Variants in HSD11B1 observed in about 807,000 individuals in gnomAD.
HSD11B1 encodes the protein 11-beta-hydroxysteroid dehydrogenase 1.
In HSD11B1, 15 loss-of-function variants were observed where a neutral mutation model predicts 22.1. That is an observed-to-expected ratio of 0.68 (90% CI 0.45 to 1.04). HSD11B1 has a LOEUF of 1.04. HSD11B1 is among the 50% of genes least tolerant of loss of function. HSD11B1 has a pLI of 0.00. For synonymous variants in HSD11B1, 122 were observed against 125.2 expected (o/e 0.97, Z 0.17); for missense variants, 281 against 357.6 (o/e 0.79, Z 1.73).
At chr1:209,726,500 G>A (rs2077003541) in intron 4 of HSD11B1, among the ~76,000 whole-genome samples, 1 of 152,120 alleles carries the variant, frequency 6.6e-6, no homozygotes, top group African/African-American at 2.4e-5. Flanking sequence ...CAGCAACTCA[G>A]GAGGCTGGGG....
chr1:209,702,218 G>T (rs1391667477), upstream of HSD11B1, among the ~76,000 whole-genome samples: 1 of 152,204 alleles, frequency 6.6e-6, no homozygotes, highest in Non-Finnish European at 1.5e-5. Flanking sequence ...TGGGGGATGG[G>T]ATTGATCTGT....
chr1:209,696,552 G>C (rs887374806), intron 1 of HSD11B1, among the ~76,000 whole-genome samples: 2 of 152,140 alleles, frequency 1.3e-5, no homozygotes, highest in African/African-American at 4.8e-5. Flanking sequence ...ATAACCATGA[G>C]AGAGAAGGGA....
Position 209,706,861 on chromosome 1 carries a change from T to C in HSD11B1, c.331+41T>C, listed in dbSNP as rs1309708459. On this transcript the variant is annotated intron_variant, in intron 3 of 5. Transcript: ENST00000367027. The surrounding 1 kb of genome is among the most constrained non-coding windows in gnomAD (Gnocchi z 4.0). ...TTACCTCCTCCTCTGAACTTTGCCC[T>C]TGGGGTCACCAAGAGCTTTTGGGAG... 3 of 1,602,466 alleles carry C rather than the reference T, an allele frequency of 1.9e-6. No homozygotes were observed. Among genetic ancestry groups the C allele is most frequent in the Non-Finnish European group, 8.5e-7 (1 of 1,172,394 alleles).
intron 4 of HSD11B1, among the ~76,000 whole-genome samples, chr1:209,707,917 G>A (rs1339650946): frequency 2.8e-5 from 4 of 142,338 alleles, no homozygotes; most frequent in African/African-American, 5.1e-5. Context: ...TAAATAAAAT[G>A]AACAACAAGA....
intron 4 of HSD11B1, among the ~76,000 whole-genome samples, chr1:209,727,780 A>G (rs2077012669): frequency 1.3e-5 from 2 of 152,212 alleles, no homozygotes; most frequent in African/African-American, 4.8e-5. Flanking sequence ...TCAATTTCAG[A>G]GGTTATTGTG....
chr1:209,707,891 T>C (rs1571873690), intron 4 of HSD11B1, among the ~76,000 whole-genome samples: 1 of 151,086 alleles, frequency 6.6e-6, no homozygotes, highest in Non-Finnish European at 1.5e-5. Flanking sequence ...GTCTGATAAG[T>C]GGGCTAAGCT....
In HSD11B1 at chr1:209,706,059, C is replaced by T. The variant is rs1006227192; in HGVS notation, c.219+118C>T. Reference sequence around the variant, plus strand: ...AGATCTATATACAGAGGCACATGCACACACACAGACACTTAATTTTGCACT... The same window carrying T: ...AGATCTATATACAGAGGCACATGCATACACACAGACACTTAATTTTGCACT... On this transcript the variant is annotated intron_variant, in intron 2 of 5. Transcript: ENST00000367027. The surrounding 1 kb of genome is among the most constrained non-coding windows in gnomAD (Gnocchi z 4.0). 2.3e-6 allele frequency: 3 copies of T among 1,290,916 alleles called. No homozygotes were observed. The highest frequency in any genetic ancestry group is 1.5e-5 in the African/African-American group (1 of 68,560). 80.0% of individuals were successfully genotyped at this position (1,290,916 alleles called of 1,614,324 possible). A position where few individuals can be genotyped will look rare whatever the true frequency, so the allele number is the denominator to read the frequency against.
At chr1:209,721,230 T>C (rs1298104235) in intron 4 of HSD11B1, among the ~76,000 whole-genome samples, 2 of 152,098 alleles carry the variant, frequency 1.3e-5, no homozygotes, top group East Asian at 1.9e-4. Flanking sequence ...TTGTGGTAAT[T>C]TGTTATGACA....
chr1:209,734,251 T>A, intron 5 of HSD11B1, 53 bp from the exon 6 acceptor site: 9 of 1,428,322 alleles, frequency 6.3e-6, no homozygotes, highest in Non-Finnish European at 8.8e-6. Context: ...AGGCCTTCCA[T>A]CATGTAGACT....
At chr1:209,730,724 G>C (rs940817583) in intron 4 of HSD11B1, among the ~76,000 whole-genome samples, 1 of 152,116 alleles carries the variant, frequency 6.6e-6, no homozygotes, top group Non-Finnish European at 1.5e-5. Context: ...ACCTTTCTCA[G>C]CATCTTTATT....
In HSD11B1 at chr1:209,704,906, G is replaced by C. The variant is rs1339895087; in HGVS notation, c.-37G>C. 1 of 1,489,458 alleles carries C rather than the reference G, an allele frequency of 6.7e-7. No homozygotes were observed. The highest frequency in any genetic ancestry group is 1.1e-5 in the South Asian group (1 of 88,610). The allele number at this position is 1,489,458 out of a possible 1,614,324, so 92.3% of individuals were successfully genotyped here. ...AGAAAGCTCTGTAGGTTCTCTCTGT[G>C]TGTCCTACAGGAGTCTTCAGGCCAG... On this transcript the variant is annotated 5_prime_UTR_variant, in exon 1 of 6. Coordinates refer to ENST00000367027, the MANE Select transcript of HSD11B1 (RefSeq NM_005525.4).
intron 1 of HSD11B1, among the ~76,000 whole-genome samples, chr1:209,686,600 G>A (rs1216378463): frequency 1.3e-5 from 2 of 152,230 alleles, no homozygotes; most frequent in African/African-American, 4.8e-5. Context: ...AAGTTGCAAA[G>A]ATAGTATAAA....
rs1379268136 is a variant in HSD11B1, at chr1:209,706,087, CATAT to C, written c.219+150_219+153del. 1.2e-5 allele frequency: 12 copies of C among 1,017,036 alleles called. No homozygotes were observed. The Admixed American group carries it at 2.6e-4, about 22-fold the overall frequency. 63.0% of individuals were successfully genotyped at this position (1,017,036 alleles called of 1,614,324 possible). A position where few individuals can be genotyped will look rare whatever the true frequency, so the allele number is the denominator to read the frequency against. The stretch of plus-strand genomic sequence containing the variant: ...ACACAGACACTTAATTTTGCACTCT[CATAT>C]ATAGATTCAAACACCAAAAAACCCA... On this transcript the variant is annotated intron_variant, in intron 2 of 5. Transcript: ENST00000367027. The surrounding 1 kb of genome is among the most constrained non-coding windows in gnomAD (Gnocchi z 4.0).
At chr1:209,701,427 C>G (rs747156267), upstream of HSD11B1, among the ~76,000 whole-genome samples, 18 of 152,160 alleles carry the variant, frequency 1.2e-4, no homozygotes, top group South Asian at 2.1e-4. Context: ...ATTACCTCCC[C>G]CTGGGTCCCT....
upstream of HSD11B1, among the ~76,000 whole-genome samples, chr1:209,701,449 T>C (rs1312765680): frequency 1.3e-5 from 2 of 152,136 alleles, 1 homozygote; most frequent in Admixed American, 1.3e-4. Flanking sequence ...TCACAACATG[T>C]GGAAATTGTG....
At chr1:209,725,331 C>T (rs965936825) in intron 4 of HSD11B1, among the ~76,000 whole-genome samples, 2 of 152,184 alleles carry the variant, frequency 1.3e-5, no homozygotes, top group Non-Finnish European at 2.9e-5. Flanking sequence ...ACTAGCTTCT[C>T]ACTGCCTATC....
chr1:209,707,114 T>A lies in HSD11B1; in HGVS notation c.503T>A (p.Val168Asp), dbSNP rs2076864948. ...CAGAGCAATGGAAGCATTGTTGTCG[T>A]CTCCTCTCTGGCTGGTAAGTGGGAC... ...LKQSNGSIVVVSSLAGKVAYP... is the reference protein window; with the variant it reads ...LKQSNGSIVVDSSLAGKVAYP... The change falls in exon 4 of 6, where the codon GTC (valine) becomes GAC (aspartate). Residue 168 changes from valine (V) to aspartate (D), a missense_variant. Physicochemically the swap from Val to Asp is radical, Grantham distance 152. Coordinates refer to ENST00000367027, the MANE Select transcript of HSD11B1 (RefSeq NM_005525.4). 6.2e-7 allele frequency: 1 copy of A among 1,613,762 alleles called. No individual in the cohort carries two copies. Among genetic ancestry groups the A allele is most frequent in the Non-Finnish European group, 8.5e-7 (1 of 1,179,898 alleles).
chr1:209,686,881 C>A (rs2076731770), intron 1 of HSD11B1, among the ~76,000 whole-genome samples: 1 of 152,170 alleles, frequency 6.6e-6, no homozygotes, highest in African/African-American at 2.4e-5. Flanking sequence ...ACGTGTCCAT[C>A]AAAATTCTTC....
chr1:209,700,467 C>T (rs981379418), upstream of HSD11B1, among the ~76,000 whole-genome samples: 6 of 152,196 alleles, frequency 3.9e-5, no homozygotes, highest in African/African-American at 1.2e-4. Flanking sequence ...CCCTAGCCTG[C>T]GCATAGCACA....
Sources: gnomAD v4.1 joint callset for allele counts (sites outside exome capture counted in the v4.1 genomes callset) on GRCh38, gnomAD v4.1.1 for gene constraint, Gnocchi (gnomAD v3.1) non-coding constraint, MANE v1.5 for transcripts, NCBI Gene and HGNC (gene_info 2026-07-23, HGNC 2026-07-21) for gene names.